TEPSIN: variants seen among roughly 807,000 people sequenced by gnomAD.
The protein encoded by TEPSIN is AP-4 complex accessory subunit tepsin.
In TEPSIN, 50 loss-of-function variants were observed where a neutral mutation model predicts 48.5. The observed-to-expected ratio is 1.03, with a 90% confidence interval of 0.82 to 1.31. The LOEUF is 1.31. Among genes scored for constraint, TEPSIN ranks in the 50% most tolerant of loss-of-function variants. The probability of loss-of-function intolerance (pLI) is 0.00; values close to 1 mark genes in which losing one functional copy is unlikely to be tolerated. For missense variants in TEPSIN, 838 were observed against 815.9 expected (o/e 1.03, Z -0.33); for synonymous variants, 392 against 358.8 (o/e 1.09, Z -1.05).
chr17:81,237,878 G>A, intron 1 of TEPSIN: 1 of 741,010 alleles, frequency 1.3e-6, no homozygotes. Context: ...CTCCCCAGAG[G>A]CCGGAATGGC....
Position 81,233,129 on chromosome 17 carries a change from C to A in TEPSIN, c.526+303G>T. The A allele has an allele frequency of 2.0e-6, 1 of 497,406 alleles. No individual in the cohort carries two copies. The highest frequency in any genetic ancestry group is 3.6e-6 in the Non-Finnish European group (1 of 279,610). The allele number at this position is 497,406 out of a possible 1,614,324, so 30.8% of individuals were successfully genotyped here. On this transcript the variant is annotated intron_variant, in intron 7 of 12. Transcript: ENST00000637944. The surrounding 1 kb of genome is among the most constrained non-coding windows in gnomAD (Gnocchi z 5.8). ...CTGCCTGAGTCACCTGCACCACAGCCAGGGGCACAGCCCTCGGCCCCTCTC... is the reference window on the plus strand; with the variant it reads ...CTGCCTGAGTCACCTGCACCACAGCAAGGGGCACAGCCCTCGGCCCCTCTC...
chr17:81,230,605 C>T lies in TEPSIN; in HGVS notation c.1172G>A (p.Arg391Gln), dbSNP rs148846208. 24 of 1,608,740 alleles carry T rather than the reference C, an allele frequency of 1.5e-5. No individual in the cohort carries two copies. The African/African-American group carries it at 2.1e-4, about 14-fold the overall frequency. Residue 391 changes from arginine (R) to glutamine (Q), a missense_variant, in exon 12 of 13, where the codon CGG (arginine) becomes CAG (glutamine). Transcript: ENST00000637944. The surrounding 1 kb of genome is among the most constrained non-coding windows in gnomAD (Gnocchi z 4.2). The stretch of plus-strand genomic sequence containing the variant: ...CATGCTGAGCTCCTGCAGCCACGGC[C>T]GGGTGCGGAGGAGGATGTGCTCCTG... ...LPQEHILLRTRPWLQELSMGS... is the reference protein window; with the variant it reads ...LPQEHILLRTQPWLQELSMGS...
In TEPSIN at chr17:81,237,172, C is replaced by T. The variant is rs1207064037; in HGVS notation, c.122-101G>A. Reference sequence around the variant, plus strand: ...CCTCTCAGTTCACGCTCCCTGGAGGCGCCTACTGGAGGCTCTGCCATCAGG... The same window carrying T: ...CCTCTCAGTTCACGCTCCCTGGAGGTGCCTACTGGAGGCTCTGCCATCAGG... On this transcript the variant is annotated intron_variant, in intron 2 of 12. Transcript: ENST00000637944. The T allele has an allele frequency of 3.6e-5, 48 of 1,322,992 alleles. 1 individual carries two copies. The South Asian group carries it at 5.1e-4, about 14-fold the overall frequency. The allele number at this position is 1,322,992 out of a possible 1,614,324, so 82.0% of individuals were successfully genotyped here. A position where few individuals can be genotyped will look rare whatever the true frequency, so the allele number is the denominator to read the frequency against.
Position 81,230,779 on chromosome 17 carries a change from T to C in TEPSIN, c.1099-101A>G, listed in dbSNP as rs965277483. On this transcript the variant is annotated intron_variant, in intron 11 of 12. Transcript: ENST00000637944. This position sits in a 1 kb window ranked among gnomAD's most constrained non-coding sequence, Gnocchi z 4.2. ...TCTCCCTCTTCTTCCTCCTCATCAATGACTGGAGTGCCAGGAGGCCCCAGA... is the reference window on the plus strand; with the variant it reads ...TCTCCCTCTTCTTCCTCCTCATCAACGACTGGAGTGCCAGGAGGCCCCAGA... 66 of 1,396,786 alleles carry C rather than the reference T, an allele frequency of 4.7e-5. No individual in the cohort carries two copies. The South Asian group carries it at 7.2e-4, about 15-fold the overall frequency. The allele number at this position is 1,396,786 out of a possible 1,614,324, so 86.5% of individuals were successfully genotyped here.
Position 81,232,464 on chromosome 17 carries a change from G to C in TEPSIN, c.581C>G (p.Ala194Gly). ...STIQKAAEVV[A>G]SAMRPGPESP... ...CTCGGGCCCGGGGCGCATGGCGCTG[G>C]CCACCACCTCTGCGGCCTTCTGGAT... Residue 194 changes from alanine (A) to glycine (G), a missense_variant, in exon 8 of 13, where the codon GCC (alanine) becomes GGC (glycine). Ala to Gly is a moderately conservative substitution (Grantham distance 60). Transcript: ENST00000637944. The C allele has an allele frequency of 6.5e-7, 1 of 1,535,174 alleles. No homozygotes were observed. The highest frequency in any genetic ancestry group is 8.7e-7 in the Non-Finnish European group (1 of 1,146,664).
Position 81,230,984 on chromosome 17 carries a change from G to A in TEPSIN, c.1099-306C>T, listed in dbSNP as rs953835453. 13 of 496,058 alleles carry A rather than the reference G, an allele frequency of 2.6e-5. No homozygotes were observed. The highest frequency in any genetic ancestry group is 1.1e-4 in the South Asian group (4 of 36,902). 30.7% of individuals were successfully genotyped at this position (496,058 alleles called of 1,614,324 possible). On this transcript the variant is annotated intron_variant, in intron 11 of 12. Transcript: ENST00000637944. This position sits in a 1 kb window ranked among gnomAD's most constrained non-coding sequence, Gnocchi z 4.2. ...CCCCGGCTCCTGGACAGACCCCAGC[G>A]AGAAGCACGTGACCTGCTGCCCCGA...
At position 81,232,194 on chromosome 17, in the gene TEPSIN, G is replaced by A. The variant is rs138559711; in HGVS notation, c.730+121C>T. On this transcript the variant is annotated intron_variant, in intron 8 of 12. Coordinates refer to ENST00000637944, the MANE Select transcript of TEPSIN (RefSeq NM_001363764.2). ...AGCCCCATGGGCATGTGCTTCCGCC[G>A]CGGGTCCCACCCCTCCTGCTGTGTG... 2,862 of 1,322,972 alleles carry A rather than the reference G, an allele frequency of 2.2e-3. 11 individuals carry two copies. Among genetic ancestry groups the A allele is most frequent in the Non-Finnish European group, 1.9e-3 (1,900 of 993,528 alleles). 82.0% of individuals were successfully genotyped at this position (1,322,972 alleles called of 1,614,324 possible). A position where few individuals can be genotyped will look rare whatever the true frequency, so the allele number is the denominator to read the frequency against.
rs1025023539 is a variant in TEPSIN, at chr17:81,234,088, C to T, written c.308-40G>A. 4 of 1,529,968 alleles carry T rather than the reference C, an allele frequency of 2.6e-6. No homozygotes were observed. The African/African-American group carries it at 4.2e-5, about 16-fold the overall frequency. The allele number at this position is 1,529,968 out of a possible 1,614,324, so 94.8% of individuals were successfully genotyped here. ...AGGCAAGTCGGGGGCAGGGCTGAGC[C>T]TGGCACCGCTGCTCCCTGTGGAGCA... On this transcript the variant is annotated intron_variant, in intron 4 of 12. Transcript: ENST00000637944. This position sits in a 1 kb window ranked among gnomAD's most constrained non-coding sequence, Gnocchi z 5.4.
intron 1 of TEPSIN, chr17:81,237,760 T>C (rs546414860): frequency 2.0e-5 from 9 of 454,218 alleles, no homozygotes; most frequent in South Asian, 1.8e-4. Flanking sequence ...CTTACCAGCA[T>C]GTAAGGCTAT....
intron 1 of TEPSIN, chr17:81,238,616 A>T (rs2062768856): frequency 9.0e-7 from 1 of 1,114,526 alleles, no homozygotes; most frequent in Non-Finnish European, 1.1e-6. Flanking sequence ...GTCAGGGAGG[A>T]CGGCGGGCTG....
chr17:81,233,316 T>C lies in TEPSIN; in HGVS notation c.526+116A>G, dbSNP rs1426494832. 4.0e-6 allele frequency: 5 copies of C among 1,242,400 alleles called. No individual in the cohort carries two copies. The highest frequency in any genetic ancestry group is 1.4e-5 in the South Asian group (1 of 70,186). The allele number at this position is 1,242,400 out of a possible 1,614,324, so 77.0% of individuals were successfully genotyped here. On this transcript the variant is annotated intron_variant, in intron 7 of 12. Transcript: ENST00000637944. This position sits in a 1 kb window ranked among gnomAD's most constrained non-coding sequence, Gnocchi z 5.8. ...AGCCCCAGGAAGGGTTGAGGCCATG[T>C]AGGGGAGGGGACGGGGGACAGCAGC...
intron 1 of TEPSIN, chr17:81,238,309 T>A: frequency 2.2e-6 from 1 of 451,208 alleles, no homozygotes; most frequent in Non-Finnish European, 2.9e-6. Context: ...ACAGAACGAC[T>A]ATGTCGAAAC....
At position 81,228,743 on chromosome 17, in the gene TEPSIN, G is replaced by A. The variant is rs893735088; in HGVS notation, c.*185C>T. On this transcript the variant is annotated 3_prime_UTR_variant, in exon 13 of 13. Coordinates refer to ENST00000637944, the MANE Select transcript of TEPSIN (RefSeq NM_001363764.2). Reference sequence around the variant, plus strand: ...GCCCTGCCACCTGCCATCCCTCGTAGGGATTCAAGTCCAAATAGCCAGAGC... The same window carrying A: ...GCCCTGCCACCTGCCATCCCTCGTAAGGATTCAAGTCCAAATAGCCAGAGC... 7.0e-6 allele frequency: 5 copies of A among 715,520 alleles called. No individual in the cohort carries two copies. Among genetic ancestry groups the A allele is most frequent in the African/African-American group, 3.7e-5 (2 of 54,708 alleles). The allele number at this position is 715,520 out of a possible 1,614,324, so 44.3% of individuals were successfully genotyped here.
Position 81,230,573 on chromosome 17 carries a change from G to C in TEPSIN, c.1204C>G (p.Pro402Ala). ...PWLQELSMGSPGPVTNKATKI... is the reference protein window; with the variant it reads ...PWLQELSMGSAGPVTNKATKI... ...GTGGCCTTGTTGGTCACAGGTCCCG[G>C]GCTGCCCATGCTGAGCTCCTGCAGC... The change falls in exon 12 of 13, where the codon CCG becomes GCG. Residue 402 changes from proline to alanine, a missense_variant. Transcript: ENST00000637944. The surrounding 1 kb of genome is among the most constrained non-coding windows in gnomAD (Gnocchi z 4.2). 6.2e-7 allele frequency: 1 copy of C among 1,611,858 alleles called. No homozygotes were observed. Among genetic ancestry groups the C allele is most frequent in the Non-Finnish European group, 8.5e-7 (1 of 1,179,280 alleles).
rs532891922 is a variant in TEPSIN, at chr17:81,236,212, G to C, written c.307+496C>G. Among the ~76,000 whole-genome samples, 32 of 152,334 alleles carry C rather than the reference G, an allele frequency of 2.1e-4. No homozygotes were observed. In the East Asian group the frequency reaches 6.0e-3, roughly 29 times the overall value. The stretch of plus-strand genomic sequence containing the variant: ...TTCTGCCTGGACAGACCGACTGGCC[G>C]GGGCCCCGCCTCTCCTGCCTCCCAG... On this transcript the variant is annotated intron_variant, in intron 4 of 12. Transcript: ENST00000637944.
intron 4 of TEPSIN, 66 bp downstream of exon 4, chr17:81,236,642 G>A: frequency 1.4e-6 from 2 of 1,476,390 alleles, no homozygotes; most frequent in Non-Finnish European, 1.8e-6. Context: ...AAACCTGGAG[G>A]ATCCGCCACC....
chr17:81,233,772 C>A lies in TEPSIN; in HGVS notation c.376-56G>T, dbSNP rs1175822649. ...CTCACACCAGGGCCTGCTGTACTCA[C>A]CCTGCCACCCATATCAGCTCCGTTC... On this transcript the variant is annotated intron_variant, in intron 5 of 12. Coordinates refer to ENST00000637944, the MANE Select transcript of TEPSIN (RefSeq NM_001363764.2). This position sits in a 1 kb window ranked among gnomAD's most constrained non-coding sequence, Gnocchi z 5.8. 6.6e-6 allele frequency: 10 copies of A among 1,507,814 alleles called. No individual in the cohort carries two copies. The highest frequency in any genetic ancestry group is 2.2e-4 in the Middle Eastern group (1 of 4,538). 93.4% of individuals were successfully genotyped at this position (1,507,814 alleles called of 1,614,324 possible).
Position 81,230,218 on chromosome 17 carries a change from T to C in TEPSIN, c.1233+326A>G. 1 of 348,910 alleles carries C rather than the reference T, an allele frequency of 2.9e-6. No homozygotes were observed. Among genetic ancestry groups the C allele is most frequent in the Non-Finnish European group, 5.3e-6 (1 of 188,226 alleles). The allele number at this position is 348,910 out of a possible 1,614,324, so 21.6% of individuals were successfully genotyped here. A position where few individuals can be genotyped will look rare whatever the true frequency, so the allele number is the denominator to read the frequency against. The stretch of plus-strand genomic sequence containing the variant: ...CATGGGTGGCAAACTGCATGTGCAG[T>C]CAGGGAGGGCTTCCTGGAAGAGGTA... On this transcript the variant is annotated intron_variant, in intron 12 of 12. Transcript: ENST00000637944. This position sits in a 1 kb window ranked among gnomAD's most constrained non-coding sequence, Gnocchi z 4.2.
Position 81,233,258 on chromosome 17 carries a change from C to G in TEPSIN, c.526+174G>C. ...AGCCCTGGCCACACCTGCCCCACCC[C>G]CACGTCAGCAGCCAGAGAGAGACAG... On this transcript the variant is annotated intron_variant, in intron 7 of 12. Transcript: ENST00000637944. This position sits in a 1 kb window ranked among gnomAD's most constrained non-coding sequence, Gnocchi z 5.8. The G allele has an allele frequency of 2.6e-6, 2 of 757,992 alleles. No homozygotes were observed. Among genetic ancestry groups the G allele is most frequent in the Non-Finnish European group, 2.1e-6 (1 of 481,456 alleles). The allele number at this position is 757,992 out of a possible 1,614,324, so 47.0% of individuals were successfully genotyped here.
Sources: gnomAD v4.1 joint callset for allele counts (sites outside exome capture counted in the v4.1 genomes callset) on GRCh38, gnomAD v4.1.1 for gene constraint, Gnocchi (gnomAD v3.1) non-coding constraint, MANE v1.5 for transcripts, NCBI Gene and HGNC (gene_info 2026-07-23, HGNC 2026-07-21) for gene names.